The following WWOX variants were observed in gnomAD, a reference collection of about 807,000 sequenced individuals.
The protein encoded by WWOX is WW domain containing oxidoreductase.
WWOX carries 69 observed loss-of-function variants against 46.2 expected under a neutral mutation model. The ratio of observed to expected loss-of-function variants is 1.49; its 90% CI spans 1.23 to 1.82. WWOX has a LOEUF of 1.82. Ranked by LOEUF, WWOX falls within the 40% of genes most tolerant of loss-of-function variation. The pLI is 0.00. For synonymous variants in WWOX, 359 were observed against 202.6 expected (o/e 1.77, Z -6.56); for missense variants, 919 against 542.6 (o/e 1.69, Z -6.89).
At chr16:79,210,549 G>A (rs548059907) in intron 8 of WWOX, among the ~76,000 whole-genome samples, 5 of 152,070 alleles carry the variant, frequency 3.3e-5, no homozygotes, top group Admixed American at 1.3e-4. Flanking sequence ...TACCTTTTCC[G>A]GTCCTCTCTT....
At chr16:78,465,175 C>G (rs138145235) in intron 8 of WWOX, among the ~76,000 whole-genome samples, 1 of 152,256 alleles carries the variant, frequency 6.6e-6, no homozygotes, top group African/African-American at 2.4e-5. Context: ...AACTACAGTT[C>G]AAGATGAGAT....
intron 5 of WWOX, among the ~76,000 whole-genome samples, chr16:78,257,371 G>A (rs2038160334): frequency 6.6e-6 from 1 of 152,178 alleles, no homozygotes; most frequent in Non-Finnish European, 1.5e-5. Flanking sequence ...TTATTTGGCA[G>A]CAAACAGTAT....
chr16:78,333,628 G>A lies in WWOX; in HGVS notation c.517-53232G>A, dbSNP rs2151894072. Among the ~76,000 whole-genome samples, 3 of 152,184 alleles carry A rather than the reference G, an allele frequency of 2.0e-5. No individual in the cohort carries two copies. In the East Asian group the frequency reaches 5.8e-4, roughly 29 times the overall value. On this transcript the variant is annotated intron_variant, in intron 5 of 8. Transcript: ENST00000566780. ...ATTCATCTTAATTGATGTTAATTGA[G>A]ATATAGGAGTACTTCATTAAGTCTC...
chr16:79,113,452 C>A (rs1305560759), intron 8 of WWOX, among the ~76,000 whole-genome samples: 3 of 152,212 alleles, frequency 2.0e-5, no homozygotes, highest in African/African-American at 7.2e-5. Context: ...ACTTCTGGTC[C>A]ACACCTTGGT....
At chr16:78,828,273 A>C (rs953137416) in intron 8 of WWOX, among the ~76,000 whole-genome samples, 1 of 152,184 alleles carries the variant, frequency 6.6e-6, no homozygotes, top group Non-Finnish European at 1.5e-5. Flanking sequence ...GCCTCCAGAG[A>C]GAAGAGCCTT....
intron 8 of WWOX, among the ~76,000 whole-genome samples, chr16:79,111,778 A>G (rs1441099078): frequency 1.3e-5 from 2 of 152,152 alleles, no homozygotes; most frequent in African/African-American, 4.8e-5. Context: ...CCAAAGAACA[A>G]TTGATTATGA....
Position 78,360,963 on chromosome 16 carries a change from C to G in WWOX, c.517-25897C>G, listed in dbSNP as rs150641302. 5.2e-3 allele frequency among the ~76,000 whole-genome samples: 795 copies of G among 152,088 alleles called. 7 individuals are homozygous for G. Among genetic ancestry groups the G allele is most frequent in the African/African-American group, 0.018 (750 of 41,498 alleles). ...AGTCTCCTGAGTATCTGGGACTATA[C>G]GCATGCACCACCATGCCTGGCTAAT... is the stretch of plus-strand genomic sequence containing the variant. On this transcript the variant is annotated intron_variant, in intron 5 of 8. Coordinates refer to ENST00000566780, the MANE Select transcript of WWOX (RefSeq NM_016373.4).
intron 8 of WWOX, among the ~76,000 whole-genome samples, chr16:78,478,122 A>T (rs1268888100): frequency 6.6e-6 from 1 of 152,254 alleles, no homozygotes; most frequent in Non-Finnish European, 1.5e-5. Flanking sequence ...TATAGCACAG[A>T]ATGAAAAACA....
At chr16:78,904,045 G>C (rs7203004) in intron 8 of WWOX, among the ~76,000 whole-genome samples, 21,195 of 151,948 alleles carry the variant, frequency 0.14, 2,937 homozygotes, top group African/African-American at 0.35. Context: ...TGTTATTAAC[G>C]TGTCTGAAAT....
intron 8 of WWOX, among the ~76,000 whole-genome samples, chr16:78,945,223 T>C (rs893639618): frequency 4.6e-5 from 7 of 152,112 alleles, no homozygotes; most frequent in Admixed American, 3.3e-4. Context: ...TGCCTGTATA[T>C]GTAGAACAAA....
At chr16:79,047,120 G>A (rs1205321441) in intron 8 of WWOX, among the ~76,000 whole-genome samples, 3 of 152,108 alleles carry the variant, frequency 2.0e-5, no homozygotes, top group East Asian at 1.9e-4. Context: ...ATTCACATAT[G>A]TATTCATTCA....
intron 8 of WWOX, among the ~76,000 whole-genome samples, chr16:78,663,979 A>G (rs2047273888): frequency 6.6e-6 from 1 of 152,126 alleles, no homozygotes; most frequent in Non-Finnish European, 1.5e-5. Context: ...TGACGTCTGG[A>G]TTTTCCTTGA....
At chr16:78,454,857 T>C (rs979370944) in intron 8 of WWOX, among the ~76,000 whole-genome samples, 4 of 152,214 alleles carry the variant, frequency 2.6e-5, no homozygotes, top group African/African-American at 9.6e-5. Context: ...TACCAACTGT[T>C]GCTTTCACCA....
intron 8 of WWOX, among the ~76,000 whole-genome samples, chr16:78,793,034 C>A (rs1440680656): frequency 2.0e-5 from 3 of 152,138 alleles, no homozygotes; most frequent in African/African-American, 7.2e-5. Flanking sequence ...CCCCCGCTGC[C>A]CCCTTTCTTT....
chr16:78,603,965 A>C (rs2045684844), intron 8 of WWOX, among the ~76,000 whole-genome samples: 1 of 151,932 alleles, frequency 6.6e-6, no homozygotes, highest in Non-Finnish European at 1.5e-5. Context: ...AACATAGGGA[A>C]ACCCTTCTAC....
At chr16:78,449,203 C>G (rs1044906887) in intron 8 of WWOX, among the ~76,000 whole-genome samples, 2 of 152,184 alleles carry the variant, frequency 1.3e-5, no homozygotes, top group African/African-American at 2.4e-5. Context: ...ACGTAGGGAT[C>G]TCCATCATGG....
chr16:78,344,765 A>G lies in WWOX; in HGVS notation c.517-42095A>G, dbSNP rs1404147017. On this transcript the variant is annotated intron_variant, in intron 5 of 8. Coordinates refer to ENST00000566780, the MANE Select transcript of WWOX (RefSeq NM_016373.4). ...CCAAGTCAGTTGCCATTTGGCCCTG[A>G]TAAAGCTGTACTTTCTCACTTGTTC... Among the ~76,000 whole-genome samples, 2 of 122,048 alleles carry G rather than the reference A, an allele frequency of 1.6e-5. 1 individual carries two copies. Among genetic ancestry groups the G allele is most frequent in the African/African-American group, 5.6e-5 (2 of 36,036 alleles). The allele number at this position is 122,048 out of a possible 152,430, so 80.1% of individuals were successfully genotyped here.
At chr16:78,798,904 T>G (rs1421194813) in intron 8 of WWOX, among the ~76,000 whole-genome samples, 2 of 152,144 alleles carry the variant, frequency 1.3e-5, no homozygotes, top group Non-Finnish European at 2.9e-5. Flanking sequence ...GAATTAAAGT[T>G]TGAGACACCA....
At chr16:78,530,281 G>A (rs1431807775) in intron 8 of WWOX, among the ~76,000 whole-genome samples, 1 of 152,184 alleles carries the variant, frequency 6.6e-6, no homozygotes, top group African/African-American at 2.4e-5. Context: ...GAGGGTCAGC[G>A]TGACAGCCTT....
Sources: gnomAD v4.1 joint callset for allele counts (sites outside exome capture counted in the v4.1 genomes callset) on GRCh38, gnomAD v4.1.1 for gene constraint, MANE v1.5 for transcripts, NCBI Gene and HGNC (gene_info 2026-07-23, HGNC 2026-07-21) for gene names.